The following MTHFS variants were observed in gnomAD, a reference collection of about 807,000 sequenced individuals.
MTHFS encodes methenyltetrahydrofolate synthetase.
Under a neutral mutation model 12.7 loss-of-function variants are expected in MTHFS, and 7 were observed. That is an observed-to-expected ratio of 0.55 (90% CI 0.31 to 1.03). The LOEUF (loss-of-function observed/expected upper bound fraction) is 1.03, where lower values mean the gene tolerates loss of function less well. MTHFS is among the 50% of genes least tolerant of loss of function. The pLI is 0.05. For synonymous variants in MTHFS, 100 were observed against 97.1 expected (o/e 1.03, Z -0.18); for missense variants, 252 against 258.1 (o/e 0.98, Z 0.16).
chr15:79,871,338 T>C lies in MTHFS; in HGVS notation c.379+17755A>G, dbSNP rs529724992. ...AAAGAAAAGGAAATGACAAAAAAAA[T>C]TGTCTCCCAAAAACATGATGACAAA... is the stretch of plus-strand genomic sequence containing the variant. On this transcript the variant is annotated intron_variant, in intron 2 of 2. Transcript: ENST00000258874. Among the ~76,000 whole-genome samples the C allele has an allele frequency of 4.6e-5, 7 of 151,894 alleles. No individual in the cohort carries two copies. In the East Asian group the frequency reaches 1.2e-3, roughly 25 times the overall value.
At chr15:79,860,750 G>A (rs1267774615) in intron 2 of MTHFS, among the ~76,000 whole-genome samples, 1 of 152,062 alleles carries the variant, frequency 6.6e-6, no homozygotes, top group Non-Finnish European at 1.5e-5. Flanking sequence ...TTCCAAGGTT[G>A]AAAATTCACA....
chr15:79,895,475 A>AT (rs1242093720), intron 1 of MTHFS, among the ~76,000 whole-genome samples: 1 of 152,170 alleles, frequency 6.6e-6, no homozygotes, highest in Admixed American at 6.5e-5. Context: ...AGCAACAATC[A>AT]TATCTTTTTC....
chr15:79,850,161 T>C (rs1156260012), intron 2 of MTHFS, among the ~76,000 whole-genome samples: 1 of 152,260 alleles, frequency 6.6e-6, no homozygotes, highest in African/African-American at 2.4e-5. Context: ...TTTATTAGGA[T>C]ACCTTTCTAT....
intron 2 of MTHFS, among the ~76,000 whole-genome samples, chr15:79,855,291 T>C (rs2033780035): frequency 6.6e-6 from 1 of 152,228 alleles, no homozygotes; most frequent in Non-Finnish European, 1.5e-5. Context: ...TATGTAAAAA[T>C]GCTCTGCAGA....
intron 2 of MTHFS, among the ~76,000 whole-genome samples, chr15:79,854,738 T>A (rs1198495010): frequency 6.6e-6 from 1 of 152,222 alleles, no homozygotes; most frequent in Non-Finnish European, 1.5e-5. Context: ...CATGCTATTT[T>A]CTTAAGTATG....
chr15:79,863,910 A>G (rs1422050681), intron 2 of MTHFS, among the ~76,000 whole-genome samples: 1 of 152,216 alleles, frequency 6.6e-6, no homozygotes, highest in East Asian at 1.9e-4. Context: ...TTTCTGCTAC[A>G]TGCAGCCGAA....
intron 2 of MTHFS, among the ~76,000 whole-genome samples, chr15:79,879,194 CT>C (rs1224562288): frequency 1.3e-5 from 2 of 152,072 alleles, no homozygotes; most frequent in African/African-American, 4.8e-5. Context: ...ATGACCAGTA[CT>C]TCCCAAATTT....
chr15:79,891,556 G>A (rs4238512), intron 1 of MTHFS, among the ~76,000 whole-genome samples: 4 of 152,008 alleles, frequency 2.6e-5, no homozygotes, highest in East Asian at 3.9e-4. Flanking sequence ...GGAGAAAGCC[G>A]TGGAGTAGGG....
At chr15:79,889,565 T>C (rs1022451955) in intron 1 of MTHFS, among the ~76,000 whole-genome samples, 4 of 152,100 alleles carry the variant, frequency 2.6e-5, no homozygotes. Flanking sequence ...ACCTGCTCCT[T>C]TTATCCCTTC....
intron 2 of MTHFS, among the ~76,000 whole-genome samples, chr15:79,873,057 G>C (rs1280720431): frequency 6.6e-6 from 1 of 152,216 alleles, no homozygotes; most frequent in African/African-American, 2.4e-5. Flanking sequence ...CCAGGAAACA[G>C]AGTGAGAACA....
chr15:79,859,759 A>T (rs780865400), intron 2 of MTHFS, among the ~76,000 whole-genome samples: 8 of 146,840 alleles, frequency 5.4e-5, no homozygotes, highest in Non-Finnish European at 1.2e-4. Flanking sequence ...CAGAGGTTGC[A>T]GTGAGCCAAG....
intron 2 of MTHFS, among the ~76,000 whole-genome samples, chr15:79,880,259 T>G (rs1009122265): frequency 6.6e-6 from 1 of 152,040 alleles, no homozygotes; most frequent in Non-Finnish European, 1.5e-5. Context: ...TTTTGTATTT[T>G]TTAGTAAAGA....
intron 2 of MTHFS, among the ~76,000 whole-genome samples, chr15:79,869,133 G>A (rs1007977852): frequency 6.6e-6 from 1 of 152,126 alleles, no homozygotes; most frequent in Non-Finnish European, 1.5e-5. Context: ...AGGAACGAAA[G>A]CAGACTCTTG....
chr15:79,846,120 G>C (rs931087122), intron 2 of MTHFS, among the ~76,000 whole-genome samples: 1 of 152,194 alleles, frequency 6.6e-6, no homozygotes, highest in African/African-American at 2.4e-5. Context: ...CAGAATGCTG[G>C]AGCTCAGGGT....
chr15:79,861,088 T>C (rs1222825076), intron 2 of MTHFS, among the ~76,000 whole-genome samples: 1 of 152,342 alleles, frequency 6.6e-6, no homozygotes, highest in African/African-American at 2.4e-5. Context: ...AGCACTTATA[T>C]GCACTGGCAT....
At chr15:79,868,332 T>C (rs2034046957) in intron 2 of MTHFS, among the ~76,000 whole-genome samples, 1 of 152,256 alleles carries the variant, frequency 6.6e-6, no homozygotes, top group African/African-American at 2.4e-5. Flanking sequence ...TGAGTCATTA[T>C]TGAAAGAGCT....
chr15:79,887,971 C>T (rs887288326), intron 2 of MTHFS, among the ~76,000 whole-genome samples: 2 of 152,064 alleles, frequency 1.3e-5, no homozygotes, highest in Non-Finnish European at 1.5e-5. Context: ...ACTTTATAGG[C>T]TATGGTGTTA....
At chr15:79,877,766 CTT>C (rs1354124631) in intron 2 of MTHFS, 1 of 150,972 alleles carries the variant, frequency 6.6e-6, no homozygotes, top group African/African-American at 2.4e-5. Flanking sequence ...AGAAAAATAA[CTT>C]ATTATAAAAA....
chr15:79,876,299 TAAAGA>T (rs1442652309), intron 2 of MTHFS: 6 of 152,020 alleles, frequency 3.9e-5, no homozygotes, highest in African/African-American at 1.5e-4. Context: ...AGCCAAGAAT[TAAAGA>T]AAATTCTGTT....
Sources: gnomAD v4.1 joint callset for allele counts (sites outside exome capture counted in the v4.1 genomes callset) on GRCh38, gnomAD v4.1.1 for gene constraint, MANE v1.5 for transcripts, NCBI Gene and HGNC (gene_info 2026-07-23, HGNC 2026-07-21) for gene names.